ROR2: variants seen among roughly 807,000 people sequenced by gnomAD.
ROR2 encodes the protein ROR family WNT receptor 2, also known as tyrosine-protein kinase transmembrane receptor ROR2.
A neutral mutation model predicts 74.9 loss-of-function variants in ROR2; 33 were observed. The observed-to-expected ratio is 0.44, with a 90% confidence interval of 0.33 to 0.59. ROR2 has a LOEUF of 0.59. Among genes scored for constraint, ROR2 ranks in the 20% least tolerant of loss-of-function variants. The pLI is 0.02. For missense variants in ROR2, 1,216 were observed against 1,313.8 expected, an observed-to-expected ratio of 0.93 and a Z score of 1.15; for synonymous variants, 586 against 558.7, an observed-to-expected ratio of 1.05 and a Z score of -0.69.
At chr9:91,772,531 C>T (rs906036940) in intron 2 of ROR2, among the ~76,000 whole-genome samples, 7 of 152,340 alleles carry the variant, frequency 4.6e-5, no homozygotes, top group South Asian at 2.1e-4. Flanking sequence ...CTATACTACT[C>T]TATCCTGCTA....
chr9:91,865,828 A>G (rs1696173718), intron 1 of ROR2, among the ~76,000 whole-genome samples: 1 of 152,230 alleles, frequency 6.6e-6, no homozygotes, highest in South Asian at 2.1e-4. Flanking sequence ...CAGCATTGCC[A>G]GTGATGTTCA....
At chr9:91,929,020 G>T (rs890327164) in intron 1 of ROR2, among the ~76,000 whole-genome samples, 6 of 152,250 alleles carry the variant, frequency 3.9e-5, no homozygotes, top group Non-Finnish European at 7.3e-5. Flanking sequence ...GCAGAAGGCT[G>T]GGTTCATGCT....
intron 1 of ROR2, among the ~76,000 whole-genome samples, chr9:91,908,370 A>G (rs773595343): frequency 2.0e-5 from 3 of 152,260 alleles, no homozygotes; most frequent in Non-Finnish European, 2.9e-5. Flanking sequence ...AAGGCCTTTT[A>G]AAATGTAATA....
chr9:91,820,189 G>A (rs894801665), intron 1 of ROR2, among the ~76,000 whole-genome samples: 40 of 152,220 alleles, frequency 2.6e-4, no homozygotes, highest in African/African-American at 8.7e-4. Context: ...TTTTTAAAAT[G>A]CACTGCCCCC....
intron 1 of ROR2, among the ~76,000 whole-genome samples, chr9:91,918,251 G>GAAT (rs1554692165): frequency 2.0e-5 from 3 of 148,898 alleles, no homozygotes; most frequent in African/African-American, 7.5e-5. Context: ...CTGGGCGACA[G>GAAT]GAGACTCGTC....
chr9:91,787,594 T>C (rs77749648), intron 1 of ROR2, among the ~76,000 whole-genome samples: 197 of 152,244 alleles, frequency 1.3e-3, no homozygotes, highest in Non-Finnish European at 1.6e-3. Context: ...AGGAAATACA[T>C]AAACCAGAGA....
At chr9:91,882,246 C>T (rs1264524657) in intron 1 of ROR2, among the ~76,000 whole-genome samples, 5 of 151,930 alleles carry the variant, frequency 3.3e-5, no homozygotes, top group Non-Finnish European at 7.4e-5. Flanking sequence ...CCTATCTCTA[C>T]TAAAAATACA....
Position 91,722,626 on chromosome 9 carries a change from A to C in ROR2, c.*1036T>G. 1.3e-6 allele frequency: 1 copy of C among 779,852 alleles called. No homozygotes were observed. The highest frequency in any genetic ancestry group is 1.3e-5 in the South Asian group (1 of 74,626). The allele number at this position is 779,852 out of a possible 1,614,324, so 48.3% of individuals were successfully genotyped here. A position where few individuals can be genotyped will look rare whatever the true frequency, so the allele number is the denominator to read the frequency against. On this transcript the variant is annotated 3_prime_UTR_variant, in exon 9 of 9. Coordinates refer to ENST00000375708, the MANE Select transcript of ROR2 (RefSeq NM_004560.4). ...TGCTTTGTTTCACTTTATTGGATAC[A>C]CCGGGTGTGGGATTTACAAATAGGA... is the stretch of plus-strand genomic sequence containing the variant.
At chr9:91,939,767 A>G (rs1271848262) in intron 1 of ROR2, among the ~76,000 whole-genome samples, 2 of 152,154 alleles carry the variant, frequency 1.3e-5, no homozygotes, top group Non-Finnish European at 2.9e-5. Context: ...CTTTCTACGC[A>G]TTAATACTGC....
chr9:91,770,745 GCTGA>G (rs756744252), intron 2 of ROR2, among the ~76,000 whole-genome samples: 4 of 152,216 alleles, frequency 2.6e-5, no homozygotes, highest in South Asian at 2.1e-4. Flanking sequence ...CAGACTTTAT[GCTGA>G]CTATGTTTGC....
intron 1 of ROR2, among the ~76,000 whole-genome samples, chr9:91,934,473 C>G (rs966727327): frequency 6.6e-6 from 1 of 152,032 alleles, no homozygotes; most frequent in African/African-American, 2.4e-5. Context: ...AACCCACCCA[C>G]CCACACACCC....
At chr9:91,936,733 T>C (rs1007093066) in intron 1 of ROR2, among the ~76,000 whole-genome samples, 11 of 152,176 alleles carry the variant, frequency 7.2e-5, no homozygotes, top group African/African-American at 2.4e-4. Context: ...AACAATCTTT[T>C]AGATTTCCCA....
chr9:91,845,738 C>T (rs757772766), intron 1 of ROR2, among the ~76,000 whole-genome samples: 8 of 151,678 alleles, frequency 5.3e-5, no homozygotes, highest in Non-Finnish European at 1.2e-4. Flanking sequence ...AAAAATTAGC[C>T]GGGCATGGTG....
chr9:91,906,634 C>T (rs1830825733), intron 1 of ROR2, among the ~76,000 whole-genome samples: 1 of 152,184 alleles, frequency 6.6e-6, no homozygotes, highest in African/African-American at 2.4e-5. Context: ...TTGTTATTTT[C>T]TTAAGTCATG....
Position 91,725,114 on chromosome 9 carries a change from A to G in ROR2, c.1387-7T>C, listed in dbSNP as rs781477862. The G allele has an allele frequency of 2.5e-6, 4 of 1,613,414 alleles. No homozygotes were observed. Among genetic ancestry groups the G allele is most frequent in the East Asian group, 2.2e-5 (1 of 44,876 alleles). ...TGATCTCTTTGAGTTTGGCCTGTCA[A>G]GAAGAAAAGCCCCACGTGAAACATC... On this transcript the variant is annotated splice_region_variant and splice_polypyrimidine_tract_variant and intron_variant, in intron 8 of 8. Transcript: ENST00000375708.
In ROR2 at chr9:91,724,143, G is replaced by T; in HGVS notation, c.2351C>A (p.Ala784Asp). Reference sequence around the variant, plus strand: ...CTTCTGCTTGGGCCCCACGTAGCGGGCGTTGCTCACATTGCTCACTGGGCT... The same window carrying T: ...CTTCTGCTTGGGCCCCACGTAGCGGTCGTTGCTCACATTGCTCACTGGGCT... The part of the protein sequence containing the change: ...STSPVSNVSN[A>D]RYVGPKQKAP... Residue 784 changes from alanine (A) to aspartate (D), a missense_variant, in exon 9 of 9, where the codon GCC becomes GAC. Ala to Asp is a moderately radical substitution (Grantham distance 126). Transcript: ENST00000375708. 6.2e-7 allele frequency: 1 copy of T among 1,611,428 alleles called. No individual in the cohort carries two copies.
rs1174674909 is a variant in ROR2, at chr9:91,723,766, G to A, written c.2728C>T (p.Gln910Ter). The change falls in exon 9 of 9, where the codon CAG (glutamine) becomes TAG (stop). Residue 910 changes from glutamine (Q) to a stop codon, truncating the protein, a stop_gained. Coordinates refer to ENST00000375708, the MANE Select transcript of ROR2 (RefSeq NM_004560.4). LOFTEE classifies it high-confidence loss of function. Reference sequence around the variant, plus strand: ...CCTTCCTCCTCCTCCTCTGCTTCCTGCACGGTGCTCTGGGCCCCATCTTCT... The same window carrying A: ...CCTTCCTCCTCCTCCTCTGCTTCCTACACGGTGCTCTGGGCCCCATCTTCT... Reference protein sequence around the residue: ...APEDGAQSTVQEAEEEEEGSV... With the variant: ...APEDGAQSTV The A allele has an allele frequency of 6.2e-7, 1 of 1,613,724 alleles. No homozygotes were observed. The highest frequency in any genetic ancestry group is 1.1e-5 in the South Asian group (1 of 91,086).
chr9:91,910,413 C>A (rs1014822310), intron 1 of ROR2, among the ~76,000 whole-genome samples: 2 of 152,112 alleles, frequency 1.3e-5, no homozygotes, highest in Admixed American at 6.5e-5. Context: ...GGAATCTATG[C>A]TTAAATAATG....
At chr9:91,881,548 T>C (rs907096695) in intron 1 of ROR2, among the ~76,000 whole-genome samples, 2 of 152,258 alleles carry the variant, frequency 1.3e-5, no homozygotes, top group Non-Finnish European at 2.9e-5. Context: ...AAGTGAAGAC[T>C]TACTGTTAGT....
Sources: gnomAD v4.1 joint callset for allele counts (sites outside exome capture counted in the v4.1 genomes callset) on GRCh38, gnomAD v4.1.1 for gene constraint, MANE v1.5 for transcripts, NCBI Gene and HGNC (gene_info 2026-07-23, HGNC 2026-07-21) for gene names.